Variants in TM9SF3 observed in about 807,000 individuals in gnomAD.
TM9SF3 encodes SM-11044-binding protein.
A neutral mutation model predicts 78.6 loss-of-function variants in TM9SF3; 14 were observed. The observed-to-expected ratio is 0.18, with a 90% CI of 0.12 to 0.28. The LOEUF is 0.28. Ranked by LOEUF, TM9SF3 falls within the 10% of genes least tolerant of loss-of-function variation. TM9SF3 has a pLI of 1.00. For missense variants in TM9SF3, 496 were observed against 721.9 expected (o/e 0.69, Z 3.59); for synonymous variants, 231 against 241.7 (o/e 0.96, Z 0.41).
chr10:96,522,278 A>G lies in TM9SF3; in HGVS notation c.1755T>C (p.Asn585=). The change falls in exon 15 of 15, where the codon AAT becomes AAC. Residue 585 remains asparagine, a synonymous_variant. Transcript: ENST00000371142. ...TCTTGGGTCTCTAGTCAATTTTCAC[A>G]TTAGTATAGATTTTTCGGACAAAGG... ...TSAFVRKIYT[N]VKID is the part of the protein sequence containing the mutation. The G allele has an allele frequency of 6.3e-7, 1 of 1,589,106 alleles. No individual in the cohort carries two copies. The highest frequency in any genetic ancestry group is 8.5e-7 in the Non-Finnish European group (1 of 1,171,726).
intron 1 of TM9SF3, among the ~76,000 whole-genome samples, chr10:96,581,207 G>A (rs980624348): frequency 1.3e-5 from 2 of 152,046 alleles, no homozygotes; most frequent in African/African-American, 4.8e-5. Flanking sequence ...TTTATGTGTT[G>A]GGGGGGTACC....
intron 8 of TM9SF3, 95 bp from the exon 9 acceptor site, chr10:96,544,301 C>A: frequency 8.8e-7 from 1 of 1,132,072 alleles, no homozygotes; most frequent in Admixed American, 3.3e-5. Flanking sequence ...AATTTAACAT[C>A]TTAATAATTT....
At chr10:96,584,538 T>C (rs1848608585) in intron 1 of TM9SF3, among the ~76,000 whole-genome samples, 1 of 152,244 alleles carries the variant, frequency 6.6e-6, no homozygotes, top group South Asian at 2.1e-4. Context: ...CCAGGCGTGG[T>C]GGCTCATGCC....
At chr10:96,522,444 C>T in intron 14 of TM9SF3, 114 bp from the exon 15 acceptor site, 1 of 807,556 alleles carries the variant, frequency 1.2e-6, no homozygotes, top group Non-Finnish European at 1.8e-6. Flanking sequence ...AAGAAAATAT[C>T]CTTATGTTAG....
At chr10:96,553,124 T>C in intron 5 of TM9SF3, 65 bp from the exon 6 acceptor site, 1 of 1,474,518 alleles carries the variant, frequency 6.8e-7, no homozygotes, top group Non-Finnish European at 9.0e-7. Context: ...ATAGGTTCCA[T>C]GAGGACAACC....
chr10:96,573,622 T>C (rs1848463446), intron 2 of TM9SF3, among the ~76,000 whole-genome samples: 1 of 152,152 alleles, frequency 6.6e-6, no homozygotes, highest in African/African-American at 2.4e-5. Context: ...TCTTTACCCA[T>C]GAAAACCATA....
Position 96,583,028 on chromosome 10 carries a change from C to G in TM9SF3, c.102+3706G>C, listed in dbSNP as rs576418566. Among the ~76,000 whole-genome samples, 128 of 146,888 alleles carry G rather than the reference C, an allele frequency of 8.7e-4. 1 individual carries two copies. Among genetic ancestry groups the G allele is most frequent in the Non-Finnish European group, 1.6e-3 (109 of 67,342 alleles). The stretch of plus-strand genomic sequence containing the variant: ...CCGGGAGGCGGAAGTTGCAGTGAGC[C>G]GAGATCACGCCATTGCACTCCAGCC... On this transcript the variant is annotated intron_variant, in intron 1 of 14. Transcript: ENST00000371142.
chr10:96,574,568 A>G (rs1485350743), intron 2 of TM9SF3, among the ~76,000 whole-genome samples: 1 of 152,230 alleles, frequency 6.6e-6, no homozygotes, highest in Non-Finnish European at 1.5e-5. Context: ...CAATCCCATT[A>G]CTGGGCATAT....
chr10:96,554,964 T>G (rs1848216720), intron 5 of TM9SF3, among the ~76,000 whole-genome samples: 1 of 152,084 alleles, frequency 6.6e-6, no homozygotes, highest in Admixed American at 6.6e-5. Flanking sequence ...TATCTATCCA[T>G]TCTGCTTCAT....
rs1327012139 is a variant in TM9SF3 at position 96,586,731 on chromosome 10, C to T, written c.102+3G>A. ...GGCGGCCGCGCCGGCCGGGGCGCCTCACCGTGTGTTCGTGCTCGTCCGCCC... is the reference window on the plus strand; with the variant it reads ...GGCGGCCGCGCCGGCCGGGGCGCCTTACCGTGTGTTCGTGCTCGTCCGCCC... On this transcript the variant is annotated splice_donor_region_variant and intron_variant, in intron 1 of 14. Coordinates refer to ENST00000371142, the MANE Select transcript of TM9SF3 (RefSeq NM_020123.4). The T allele has an allele frequency of 2.4e-6, 3 of 1,234,032 alleles. No individual in the cohort carries two copies. Among genetic ancestry groups the T allele is most frequent in the Admixed American group, 8.6e-5 (2 of 23,282 alleles). The allele number at this position is 1,234,032 out of a possible 1,614,324, so 76.4% of individuals were successfully genotyped here. A position where few individuals can be genotyped will look rare whatever the true frequency, so the allele number is the denominator to read the frequency against.
intron 9 of TM9SF3, among the ~76,000 whole-genome samples, chr10:96,539,607 C>T (rs926836316): frequency 9.9e-5 from 15 of 151,980 alleles, no homozygotes; most frequent in African/African-American, 3.1e-4. Flanking sequence ...ATCTTGAATG[C>T]GGTAATGGTT....
chr10:96,549,980 A>C (rs1412416468), intron 7 of TM9SF3, among the ~76,000 whole-genome samples: 1 of 152,172 alleles, frequency 6.6e-6, no homozygotes, highest in Non-Finnish European at 1.5e-5. Context: ...TCCAGTGTTT[A>C]ATGTAAAGCA....
intron 7 of TM9SF3, among the ~76,000 whole-genome samples, chr10:96,551,000 A>G (rs1425411926): frequency 6.6e-6 from 1 of 152,212 alleles, no homozygotes; most frequent in African/African-American, 2.4e-5. Flanking sequence ...CATATCTTTA[A>G]TGGAACATAT....
chr10:96,576,202 A>G (rs1848495223), intron 2 of TM9SF3: 2 of 152,220 alleles, frequency 1.3e-5, no homozygotes, highest in African/African-American at 4.8e-5. Flanking sequence ...CCCGGGCCAC[A>G]TGTGTCTAAT....
At position 96,541,444 on chromosome 10, in the gene TM9SF3, C is replaced by T. The variant is rs552486658; in HGVS notation, c.1185+2632G>A. 5.9e-5 allele frequency among the ~76,000 whole-genome samples: 9 copies of T among 152,094 alleles called. 1 individual carries two copies. Among genetic ancestry groups the T allele is most frequent in the East Asian group, 3.9e-4 (2 of 5,158 alleles). ...AGGCTGGAGTGCAATGGCGTGATCT[C>T]AGCTCACTGCAACCTCCGCCTCCTG... is the stretch of plus-strand genomic sequence containing the variant. On this transcript the variant is annotated intron_variant, in intron 9 of 14. Coordinates refer to ENST00000371142, the MANE Select transcript of TM9SF3 (RefSeq NM_020123.4).
chr10:96,573,886 A>G (rs559879606), intron 2 of TM9SF3, among the ~76,000 whole-genome samples: 3 of 152,210 alleles, frequency 2.0e-5, no homozygotes, highest in Admixed American at 6.5e-5. Context: ...AGAAAACTGA[A>G]GCTGGACCCC....
At chr10:96,556,047 T>C (rs747571279) in intron 5 of TM9SF3, among the ~76,000 whole-genome samples, 17 of 152,206 alleles carry the variant, frequency 1.1e-4, no homozygotes, top group Non-Finnish European at 1.5e-4. Context: ...AATGTAGTAA[T>C]AACCTGAAAT....
intron 9 of TM9SF3, among the ~76,000 whole-genome samples, chr10:96,540,769 C>CTTT (rs68126103): frequency 0.14 from 6,979 of 51,118 alleles, 968 homozygotes; most frequent in Admixed American, 0.19. Flanking sequence ...TATTACCTTT[C>CTTT]TTTTTTTTTT....
intron 9 of TM9SF3, among the ~76,000 whole-genome samples, chr10:96,533,904 T>A (rs1482298342): frequency 6.6e-6 from 1 of 152,256 alleles, no homozygotes; most frequent in Non-Finnish European, 1.5e-5. Flanking sequence ...TGTGACTTTT[T>A]TTCTTTATAA....
Sources: allele counts gnomAD v4.1 joint callset (sites outside exome capture counted in the v4.1 genomes callset), GRCh38; gene constraint gnomAD v4.1.1; transcripts MANE v1.5; gene names NCBI Gene and HGNC (gene_info 2026-07-23, HGNC 2026-07-21).